The following ALDH3B2 variants were observed in gnomAD, a reference collection of about 807,000 sequenced individuals.
The protein encoded by ALDH3B2 is aldehyde dehydrogenase family 3 member B2.
A neutral mutation model predicts 36.7 loss-of-function variants in ALDH3B2; 45 were observed. The observed-to-expected ratio is 1.23, with a 90% CI of 0.97 to 1.57. ALDH3B2 has a LOEUF of 1.57. Among genes scored for constraint, ALDH3B2 ranks in the 40% most tolerant of loss-of-function variants. The pLI, the probability that ALDH3B2 is intolerant of heterozygous loss-of-function variation, is 0.00. For synonymous variants in ALDH3B2, 217 were observed against 226.5 expected (o/e 0.96, Z 0.38); for missense variants, 464 against 513.3 (o/e 0.90, Z 0.93).
At position 67,672,432 on chromosome 11, in the gene ALDH3B2, C is replaced by T. The variant is rs961903614; in HGVS notation, c.-245+2005G>A. Among the ~76,000 whole-genome samples, 17 of 151,944 alleles carry T rather than the reference C, an allele frequency of 1.1e-4. No individual in the cohort carries two copies. The East Asian group carries it at 1.4e-3, about 12-fold the overall frequency. ...CCTCCCAAAGTGCTAGGATTACAGGCGTGAGCCACCGTGCCTGGCCTTCTT... is the reference window on the plus strand; with the variant it reads ...CCTCCCAAAGTGCTAGGATTACAGGTGTGAGCCACCGTGCCTGGCCTTCTT... On this transcript the variant is annotated intron_variant, in intron 1 of 9. Coordinates refer to ENST00000349015, the Ensembl canonical transcript of ALDH3B2.
Position 67,663,247 on chromosome 11 carries a change from C to T in ALDH3B2, c.1126G>A (p.Gly376Ser), listed in dbSNP as rs1313007243. ...AGGGTGCAGCTCTGGGAGCCCATGC[C>T]CCAGCGTAACAGCTGCTGGTTCCAG... The change falls in exon 10 of 10, where the codon GGC (glycine) becomes AGC (serine). Residue 376 changes from glycine to serine, a missense_variant. Coordinates refer to ENST00000349015, the Ensembl canonical transcript of ALDH3B2. The T allele has an allele frequency of 4.3e-6, 7 of 1,612,770 alleles. No individual in the cohort carries two copies. In the Admixed American group the frequency reaches 8.3e-5, roughly 19 times the overall value.
exon 8 of ALDH3B2, chr11:67,664,501 C>T (rs1565245632): frequency 1.5e-5 from 24 of 1,614,016 alleles, no homozygotes; most frequent in Non-Finnish European, 1.7e-5. Context: ...GCAGGATGGG[C>T]CCGAAGATCT....
chr11:67,665,678 G>A lies in ALDH3B2; in HGVS notation c.320-7C>T, dbSNP rs184239078. 1.2e-4 allele frequency: 185 copies of A among 1,596,784 alleles called. 1 individual carries two copies. The highest frequency in any genetic ancestry group is 1.4e-4 in the Non-Finnish European group (162 of 1,171,172). On this transcript the variant is annotated splice_region_variant and splice_polypyrimidine_tract_variant and intron_variant, in intron 6 of 9. Transcript: ENST00000349015. ...TTGCCCACACGAGGGCTCCCTGGGC[G>A]TGGAAGGAAACCAGAGTGGCCAGTC...
chr11:67,671,508 T>G (rs1856110727), intron 1 of ALDH3B2, among the ~76,000 whole-genome samples: 1 of 150,016 alleles, frequency 6.7e-6, no homozygotes, highest in Admixed American at 6.6e-5. Context: ...AAAGGAAAAT[T>G]CAAGCTGGAA....
intron 3 of ALDH3B2, 103 bp downstream of exon 3, chr11:67,666,803 G>GA: frequency 6.2e-7 from 1 of 1,609,270 alleles, no homozygotes; most frequent in East Asian, 2.2e-5. Context: ...GGAGAGACGA[G>GA]AAAATCAGTG....
intron 2 of ALDH3B2, 34 bp from the exon 3 acceptor site, chr11:67,667,050 C>G: frequency 7.4e-7 from 1 of 1,353,572 alleles, no homozygotes; most frequent in Non-Finnish European, 1.0e-6. Context: ...GTGGTCAGGC[C>G]CAGACCTGGG....
In ALDH3B2 at chr11:67,672,791, A is replaced by G. The variant is rs377484424; in HGVS notation, c.-245+1646T>C. ...TTTTTAGTAGGGACAGGATTTCACC[A>G]TGTTGGCCAGGCTGGTTTCAAACTC... On this transcript the variant is annotated intron_variant, in intron 1 of 9. Transcript: ENST00000349015. Among the ~76,000 whole-genome samples the G allele has an allele frequency of 6.0e-5, 9 of 151,156 alleles. 1 individual carries two copies. The South Asian group carries it at 1.9e-3, about 31-fold the overall frequency.
chr11:67,680,593 AT>A (rs958475576), intron 1 of ALDH3B2, among the ~76,000 whole-genome samples: 1 of 151,720 alleles, frequency 6.6e-6, no homozygotes, highest in Non-Finnish European at 1.5e-5. Flanking sequence ...ATTTTTGTAT[AT>A]TTTTTAGAGA....
intron 9 of ALDH3B2, 48 bp from the exon 10 acceptor site, chr11:67,663,447 G>A (rs1168476351): frequency 6.3e-7 from 1 of 1,575,078 alleles, no homozygotes; most frequent in South Asian, 1.1e-5. Context: ...AGCCCATGGA[G>A]CCCCAGCAGC....
chr11:67,663,600 C>T (rs1855810901), intron 9 of ALDH3B2, 62 bp downstream of exon 9: 2 of 1,510,160 alleles, frequency 1.3e-6, no homozygotes, highest in Non-Finnish European at 1.8e-6. Flanking sequence ...AGTGAAGGGA[C>T]TTCCTGGGTC....
intron 1 of ALDH3B2, among the ~76,000 whole-genome samples, chr11:67,672,075 A>ATG (rs1856134460): frequency 1.3e-5 from 1 of 75,290 alleles, no homozygotes; most frequent in Non-Finnish European, 2.5e-5. Flanking sequence ...ATATATATAT[A>ATG]TATATATATA....
In ALDH3B2 at chr11:67,666,457, AG is replaced by A; in HGVS notation, c.152-57del. 3 of 1,601,700 alleles carry A rather than the reference AG, an allele frequency of 1.9e-6. No individual in the cohort carries two copies. In the South Asian group the frequency reaches 3.3e-5, roughly 18 times the overall value. ...GAGCCCAGGGTCCCCATGCCCAACC[AG>A]GGGCTGGGCTCAGAGGGCATGTGAG... On this transcript the variant is annotated intron_variant, in intron 4 of 9. Coordinates refer to ENST00000349015, the Ensembl canonical transcript of ALDH3B2.
chr11:67,664,239 C>T (rs1855832932), intron 8 of ALDH3B2, 157 bp downstream of exon 8: 1 of 1,218,458 alleles, frequency 8.2e-7, no homozygotes, highest in Admixed American at 2.0e-5. Context: ...TGCCAGGCAT[C>T]CTTGCGCCGG....
chr11:67,672,134 G>GTGTGTGTA (rs1335115763), intron 1 of ALDH3B2, among the ~76,000 whole-genome samples: 2 of 97,610 alleles, frequency 2.0e-5, no homozygotes, highest in African/African-American at 9.6e-5. Flanking sequence ...GTGTGTGTGT[G>GTGTGTGTA]TATATATATA....
chr11:67,678,287 A>C (rs564937337), upstream of ALDH3B2, among the ~76,000 whole-genome samples: 1 of 152,178 alleles, frequency 6.6e-6, no homozygotes, highest in Non-Finnish European at 1.5e-5. Context: ...AGACCAATGG[A>C]ACAGAATAGA....
At chr11:67,671,088 T>C (rs1182019732) in intron 1 of ALDH3B2, 1 of 152,508 alleles carries the variant, frequency 6.6e-6, no homozygotes, top group East Asian at 1.9e-4. Flanking sequence ...CTGGTGCCTT[T>C]GGAGGGATGA....
intron 7 of ALDH3B2, 78 bp downstream of exon 7, chr11:67,665,207 A>G (rs1462716414): frequency 6.6e-7 from 1 of 1,521,160 alleles, no homozygotes; most frequent in Non-Finnish European, 8.8e-7. Flanking sequence ...GCGAGTCCAG[A>G]CTCGTGGCCC....
At chr11:67,668,098 G>A (rs4646821) in intron 1 of ALDH3B2, 1 of 152,578 alleles carries the variant, frequency 6.6e-6, no homozygotes, top group Non-Finnish European at 1.5e-5. Flanking sequence ...GGGACTAAAC[G>A]AGGGACTCGG....
upstream of ALDH3B2, among the ~76,000 whole-genome samples, chr11:67,677,997 C>T (rs1387358817): frequency 1.3e-5 from 2 of 152,190 alleles, no homozygotes; most frequent in African/African-American, 4.8e-5. Flanking sequence ...ACATCCCATG[C>T]TCATGGATGG....
Sources: gnomAD v4.1 joint callset for allele counts (sites outside exome capture counted in the v4.1 genomes callset) on GRCh38, gnomAD v4.1.1 for gene constraint, MANE v1.5 for transcripts, NCBI Gene and HGNC (gene_info 2026-07-23, HGNC 2026-07-21) for gene names.